Variants in DDX39B observed in about 807,000 individuals in gnomAD.
DDX39B encodes spliceosome RNA helicase DDX39B.
Under a neutral mutation model 46.4 loss-of-function variants are expected in DDX39B, and 6 were observed. The observed-to-expected ratio is 0.13, with a 90% CI of 0.07 to 0.26. DDX39B has a LOEUF of 0.26. DDX39B is among the 10% of genes least tolerant of loss of function. DDX39B has a pLI of 1.00. For synonymous variants in DDX39B, 174 were observed against 199.4 expected (o/e 0.87, Z 1.07); for missense variants, 185 against 553.4 (o/e 0.33, Z 6.68).
At chr6:31,539,907 G>A (rs750477295) in intron 2 of DDX39B, among the ~76,000 whole-genome samples, 1 of 152,216 alleles carries the variant, frequency 6.6e-6, no homozygotes, top group African/African-American at 2.4e-5. Context: ...TGGATCATTA[G>A]CACTTTGGTG....
At chr6:31,533,311 G>A in intron 6 of DDX39B, 2 of 221,942 alleles carry the variant, frequency 9.0e-6, no homozygotes, top group Admixed American at 1.1e-4. Flanking sequence ...GTGACTCAAG[G>A]TCAGAATAAC....
At chr6:31,536,146 T>C (rs1462559846) in intron 5 of DDX39B, among the ~76,000 whole-genome samples, 1 of 152,226 alleles carries the variant, frequency 6.6e-6, no homozygotes, top group African/African-American at 2.4e-5. Context: ...CTGTAAATGC[T>C]GTGCTGGAGA....
At position 31,540,319 on chromosome 6, in the gene DDX39B, T is replaced by C. The variant is rs533465640; in HGVS notation, c.211+3A>G. The stretch of plus-strand genomic sequence containing the variant: ...AGCACTACATGCCCAAGAGAAAATT[T>C]ACCTTCTGACGGATGCTCAAAGCCA... On this transcript the variant is annotated splice_donor_region_variant and intron_variant, in intron 2 of 10. Transcript: ENST00000396172. 5.0e-6 allele frequency: 8 copies of C among 1,614,172 alleles called. No homozygotes were observed. The African/African-American group carries it at 9.3e-5, about 19-fold the overall frequency.
At chr6:31,538,116 C>G (rs1767993402) in intron 4 of DDX39B, among the ~76,000 whole-genome samples, 1 of 152,138 alleles carries the variant, frequency 6.6e-6, no homozygotes, top group Non-Finnish European at 1.5e-5. Flanking sequence ...ACAGTATCAC[C>G]TATGAAGGAT....
chr6:31,534,691 C>T lies in DDX39B; in HGVS notation c.735+676G>A, dbSNP rs952237319. 3.1e-5 allele frequency: 11 copies of T among 355,968 alleles called. No homozygotes were observed. The allele number at this position is 355,968 out of a possible 1,614,324, so 22.1% of individuals were successfully genotyped here. A position where few individuals can be genotyped will look rare whatever the true frequency, so the allele number is the denominator to read the frequency against. ...CTTCCTGGTCAGGTTTCCCCGCGGC[C>T]TCCGCTGCCGCCATCCACCGCTGGG... On this transcript the variant is annotated intron_variant, in intron 6 of 10. Coordinates refer to ENST00000396172, the MANE Select transcript of DDX39B (RefSeq NM_004640.7). This position sits in a 1 kb window ranked among gnomAD's most constrained non-coding sequence, Gnocchi z 5.1.
At position 31,536,555 on chromosome 6, in the gene DDX39B, G is replaced by C. The variant is rs1767801399; in HGVS notation, c.561C>G (p.Leu187=). 6.2e-7 allele frequency: 1 copy of C among 1,613,148 alleles called. No individual in the cohort carries two copies. The highest frequency in any genetic ancestry group is 1.1e-5 in the South Asian group (1 of 91,088). Residue 187 remains leucine, a synonymous_variant, in exon 5 of 11, where the codon CTC becomes CTG. Transcript: ENST00000396172. ...CCAAAATAAAGTGTTTAATGTGTTT[G>C]AGGTTGAGGCTCTTATTTCGAGCCA... ...LALARNKSLN[L]KHIKHFILDE...
rs1767189309 is a variant in DDX39B, at chr6:31,531,724, CTGATAT to C, written c.868-325_868-320del. 5.7e-6 allele frequency: 2 copies of C among 353,626 alleles called. No homozygotes were observed. Among genetic ancestry groups the C allele is most frequent in the Non-Finnish European group, 5.1e-6 (1 of 194,250 alleles). The allele number at this position is 353,626 out of a possible 1,614,324, so 21.9% of individuals were successfully genotyped here. A position where few individuals can be genotyped will look rare whatever the true frequency, so the allele number is the denominator to read the frequency against. ...CTAGAATTAAGATCTGGAGGGGTAA[CTGATAT>C]TCCTGCTCACCAAAACATTAAACCT... On this transcript the variant is annotated intron_variant, in intron 7 of 10. Coordinates refer to ENST00000396172, the MANE Select transcript of DDX39B (RefSeq NM_004640.7). This position sits in a 1 kb window ranked among gnomAD's most constrained non-coding sequence, Gnocchi z 5.8.
In DDX39B at chr6:31,541,959, G is replaced by C; in HGVS notation, c.-142C>G. On this transcript the variant is annotated 5_prime_UTR_variant, in exon 1 of 11. Transcript: ENST00000396172. ...GAAGGCCAAAGCTTACCTAAACAGG[G>C]AGAGCGCGTATGGCGGCAGCAACAG... The C allele has an allele frequency of 6.0e-6, 4 of 671,942 alleles. No homozygotes were observed. The highest frequency in any genetic ancestry group is 1.1e-5 in the Non-Finnish European group (4 of 363,194). The allele number at this position is 671,942 out of a possible 1,614,324, so 41.6% of individuals were successfully genotyped here.
intron 6 of DDX39B, 86 bp from the exon 7 acceptor site, chr6:31,532,997 T>A: frequency 9.7e-6 from 4 of 414,116 alleles, no homozygotes; most frequent in Non-Finnish European, 1.9e-5. Context: ...TGATCTCCAA[T>A]ACACCCCATG....
intron 4 of DDX39B, among the ~76,000 whole-genome samples, chr6:31,538,520 T>C (rs1241133257): frequency 6.6e-6 from 1 of 152,176 alleles, no homozygotes; most frequent in African/African-American, 2.4e-5. Flanking sequence ...CTCTGCCACA[T>C]ACCCCAAAAT....
chr6:31,533,439 C>A, intron 6 of DDX39B: 1 of 159,780 alleles, frequency 6.3e-6, no homozygotes, highest in South Asian at 1.7e-4. Context: ...CTTTTAAGAT[C>A]AGAATGCTGC....
chr6:31,535,600 A>G lies in DDX39B; in HGVS notation c.617-115T>C. On this transcript the variant is annotated intron_variant, in intron 5 of 10. Transcript: ENST00000396172. The surrounding 1 kb of genome is among the most constrained non-coding windows in gnomAD (Gnocchi z 4.6). ...GCTGGAAATAGTAACAACACAATGG[A>G]AAGAGCAATGGACTTGGAATCAAGA... 1.3e-6 allele frequency: 1 copy of G among 760,958 alleles called. No individual in the cohort carries two copies. Among genetic ancestry groups the G allele is most frequent in the Non-Finnish European group, 2.2e-6 (1 of 454,058 alleles). The allele number at this position is 760,958 out of a possible 1,614,324, so 47.1% of individuals were successfully genotyped here.
At chr6:31,537,284 T>G (rs1475575712) in intron 4 of DDX39B, among the ~76,000 whole-genome samples, 2 of 151,472 alleles carry the variant, frequency 1.3e-5, no homozygotes, top group African/African-American at 2.4e-5. Flanking sequence ...ATTTACAAAT[T>G]TACTACTAAA....
Position 31,535,546 on chromosome 6 carries a change from G to A in DDX39B, c.617-61C>T. 7.5e-7 allele frequency: 1 copy of A among 1,341,602 alleles called. No individual in the cohort carries two copies. The highest frequency in any genetic ancestry group is 1.1e-6 in the Non-Finnish European group (1 of 942,052). 83.1% of individuals were successfully genotyped at this position (1,341,602 alleles called of 1,614,324 possible). On this transcript the variant is annotated intron_variant, in intron 5 of 10. Coordinates refer to ENST00000396172, the MANE Select transcript of DDX39B (RefSeq NM_004640.7). The surrounding 1 kb of genome is among the most constrained non-coding windows in gnomAD (Gnocchi z 4.6). The stretch of plus-strand genomic sequence containing the variant: ...AAGCAGGTATGATAAACAAAGATTA[G>A]AGGTAGACTTCCCAGTGAGGTGAAG...
intron 4 of DDX39B, among the ~76,000 whole-genome samples, chr6:31,537,003 C>A (rs1038101684): frequency 9.9e-5 from 15 of 152,150 alleles, no homozygotes; most frequent in Non-Finnish European, 1.8e-4. Flanking sequence ...GCCTATAATT[C>A]CAGCTACTCA....
chr6:31,532,616 C>G, intron 7 of DDX39B, 164 bp downstream of exon 7: 1 of 818,442 alleles, frequency 1.2e-6, no homozygotes. Context: ...AATAGAAAAG[C>G]AGCTCCCACC....
At chr6:31,541,845 A>G in intron 1 of DDX39B, 105 bp downstream of exon 1, 3 of 642,812 alleles carry the variant, frequency 4.7e-6, no homozygotes, top group Non-Finnish European at 8.6e-6. Context: ...ACTAGGCCCC[A>G]GCGACCAGAC....
At chr6:31,536,246 G>A in intron 5 of DDX39B, 2 of 584,108 alleles carry the variant, frequency 3.4e-6, no homozygotes, top group East Asian at 3.0e-5. Flanking sequence ...TGGTGGTGGT[G>A]ATGACTTATG....
chr6:31,531,476 T>C lies in DDX39B; in HGVS notation c.868-71A>G. 7.4e-7 allele frequency: 1 copy of C among 1,352,360 alleles called. No homozygotes were observed. The highest frequency in any genetic ancestry group is 1.2e-5 in the South Asian group (1 of 83,572). The allele number at this position is 1,352,360 out of a possible 1,614,324, so 83.8% of individuals were successfully genotyped here. Reference sequence around the variant, plus strand: ...TCCATGGTGTGTGAGAGACATTACGTGGGAGAGGGGAGTTTCTAGTAATTA... The same window carrying C: ...TCCATGGTGTGTGAGAGACATTACGCGGGAGAGGGGAGTTTCTAGTAATTA... On this transcript the variant is annotated intron_variant, in intron 7 of 10. Coordinates refer to ENST00000396172, the MANE Select transcript of DDX39B (RefSeq NM_004640.7). This position sits in a 1 kb window ranked among gnomAD's most constrained non-coding sequence, Gnocchi z 5.8.
Sources: gnomAD v4.1 joint callset for allele counts (sites outside exome capture counted in the v4.1 genomes callset) on GRCh38, gnomAD v4.1.1 for gene constraint, Gnocchi (gnomAD v3.1) non-coding constraint, MANE v1.5 for transcripts, NCBI Gene and HGNC (gene_info 2026-07-23, HGNC 2026-07-21) for gene names.